Variants in PCDH15 observed in about 807,000 individuals in gnomAD.
PCDH15 encodes the protein protocadherin related 15, also known as protocadherin-15.
PCDH15 carries 129 observed loss-of-function variants against 178.5 expected under a neutral mutation model. The observed-to-expected ratio is 0.72, with a 90% CI of 0.63 to 0.84. The LOEUF is 0.84. Ranked by LOEUF, PCDH15 falls within the 40% of genes least tolerant of loss-of-function variation. PCDH15 has a pLI of 0.00. For synonymous variants in PCDH15, 800 were observed against 732.0 expected (o/e 1.09, Z -1.50); for missense variants, 2,230 against 2,099.9 (o/e 1.06, Z -1.21).
At chr10:54,871,771 G>T (rs1012218029) in intron 3 of PCDH15, among the ~76,000 whole-genome samples, 1 of 151,950 alleles carries the variant, frequency 6.6e-6, no homozygotes, top group Non-Finnish European at 1.5e-5. Context: ...TCCTTAGAAA[G>T]ATTAAACAGT....
At chr10:53,938,675 G>T in intron 25 of PCDH15, 140 bp downstream of exon 25, 1 of 892,398 alleles carries the variant, frequency 1.1e-6, no homozygotes, top group Non-Finnish European at 1.7e-6. Context: ...CTGTTTAAAC[G>T]AATAGGCAAT....
chr10:54,555,312 A>G (rs149755028), intron 2 of PCDH15, among the ~76,000 whole-genome samples: 435 of 152,240 alleles, frequency 2.9e-3, no homozygotes, highest in Admixed American at 5.0e-3. Context: ...TTGCCCTCAG[A>G]TCTTTAACAT....
At chr10:54,488,223 A>C (rs987480523) in intron 3 of PCDH15, among the ~76,000 whole-genome samples, 3 of 151,922 alleles carry the variant, frequency 2.0e-5, no homozygotes, top group Non-Finnish European at 4.4e-5. Flanking sequence ...ATTAGATTAT[A>C]ATTTTAAGAA....
At chr10:54,699,897 G>A (rs1157912509) in intron 1 of PCDH15, among the ~76,000 whole-genome samples, 1 of 151,970 alleles carries the variant, frequency 6.6e-6, no homozygotes, top group Non-Finnish European at 1.5e-5. Context: ...TGGACAAAAT[G>A]AACATATGAA....
chr10:54,849,811 T>C (rs999115591), intron 3 of PCDH15, among the ~76,000 whole-genome samples: 2 of 152,188 alleles, frequency 1.3e-5, no homozygotes, highest in African/African-American at 4.8e-5. Context: ...GAAGTCTTGA[T>C]TGATATATCT....
At chr10:54,238,533 A>G (rs2054867766) in intron 8 of PCDH15, among the ~76,000 whole-genome samples, 1 of 151,962 alleles carries the variant, frequency 6.6e-6, no homozygotes, top group Non-Finnish European at 1.5e-5. Context: ...CTAATACTCT[A>G]TTCTCTCCTT....
intron 3 of PCDH15, among the ~76,000 whole-genome samples, chr10:54,425,805 G>T (rs1400035005): frequency 6.6e-6 from 1 of 151,974 alleles, no homozygotes; most frequent in Non-Finnish European, 1.5e-5. Context: ...CTTAACTCAA[G>T]GATAAGCATA....
At chr10:55,484,618 G>T (rs1840258770) in intron 2 of PCDH15, among the ~76,000 whole-genome samples, 1 of 151,644 alleles carries the variant, frequency 6.6e-6, no homozygotes, top group Non-Finnish European at 1.5e-5. Flanking sequence ...CAAAGAGACA[G>T]CAAACTACCT....
intron 2 of PCDH15, among the ~76,000 whole-genome samples, chr10:54,569,451 G>T (rs2089494713): frequency 6.6e-6 from 1 of 152,058 alleles, no homozygotes; most frequent in Non-Finnish European, 1.5e-5. Flanking sequence ...TAAAATAAGT[G>T]ATTTCTTTTT....
intron 2 of PCDH15, among the ~76,000 whole-genome samples, chr10:54,546,389 A>T (rs1156726214): frequency 6.6e-6 from 1 of 152,180 alleles, no homozygotes; most frequent in African/African-American, 2.4e-5. Flanking sequence ...GTGTGAATAT[A>T]TAAAGTCTTT....
intron 1 of PCDH15, among the ~76,000 whole-genome samples, chr10:54,691,465 T>G (rs754771864): frequency 6.6e-6 from 1 of 151,974 alleles, no homozygotes; most frequent in South Asian, 2.1e-4. Context: ...CTGAACCTCA[T>G]GACTGACAAT....
chr10:55,069,523 C>T (rs374419035), intron 2 of PCDH15, among the ~76,000 whole-genome samples: 9 of 135,512 alleles, frequency 6.6e-5, no homozygotes, highest in East Asian at 4.5e-4. Flanking sequence ...TGAGAATATG[C>T]GGTGTTTGGT....
intron 2 of PCDH15, among the ~76,000 whole-genome samples, chr10:55,037,184 T>A (rs1591850169): frequency 6.6e-6 from 1 of 152,238 alleles, no homozygotes; most frequent in East Asian, 1.9e-4. Context: ...TCATAAAGGA[T>A]CTGATCTTTT....
intron 1 of PCDH15, among the ~76,000 whole-genome samples, chr10:55,317,446 A>G (rs1324573092): frequency 6.6e-6 from 1 of 151,910 alleles, no homozygotes. Flanking sequence ...TGATTTTAAC[A>G]ACTCCAGGAT....
chr10:55,610,920 C>G lies in PCDH15; in HGVS notation c.-156+16705G>C, dbSNP rs570765259. On this transcript the variant is annotated intron_variant, in intron 2 of 5. Coordinates refer to the PCDH15 transcript ENST00000613346. ...TTTAGCTAAAAAGAGTGAAATTATACCTAAGCACTTCATGCAAGTTACCAA... is the reference window on the plus strand; with the variant it reads ...TTTAGCTAAAAAGAGTGAAATTATAGCTAAGCACTTCATGCAAGTTACCAA... Among the ~76,000 whole-genome samples the G allele has an allele frequency of 2.6e-5, 4 of 152,084 alleles. No homozygotes were observed. The East Asian group carries it at 7.7e-4, about 29-fold the overall frequency.
intron 8 of PCDH15, among the ~76,000 whole-genome samples, chr10:54,310,811 T>A (rs1001225593): frequency 6.6e-6 from 1 of 151,966 alleles, no homozygotes. Context: ...ATCATAATTT[T>A]AAAATAAATT....
chr10:54,056,918 A>C (rs2093903837), intron 18 of PCDH15, among the ~76,000 whole-genome samples: 1 of 152,150 alleles, frequency 6.6e-6, no homozygotes, highest in South Asian at 2.1e-4. Context: ...GGCCAAAACA[A>C]AAGGGCTACA....
At chr10:54,802,282 TA>T (rs1952686457), upstream of PCDH15, among the ~76,000 whole-genome samples, 1 of 152,220 alleles carries the variant, frequency 6.6e-6, no homozygotes, top group Admixed American at 6.5e-5. Context: ...ACATCTCATT[TA>T]AAACAAAATG....
At chr10:54,978,496 A>T (rs1250060696) in intron 2 of PCDH15, among the ~76,000 whole-genome samples, 2 of 152,174 alleles carry the variant, frequency 1.3e-5, no homozygotes, top group Admixed American at 1.3e-4. Context: ...TTGCATAAGA[A>T]CTATTATAAG....
Sources: allele counts gnomAD v4.1 joint callset (sites outside exome capture counted in the v4.1 genomes callset), GRCh38; gene constraint gnomAD v4.1.1; transcripts MANE v1.5; gene names NCBI Gene and HGNC (gene_info 2026-07-23, HGNC 2026-07-21).